RARB: variants seen among roughly 807,000 people sequenced by gnomAD.
RARB encodes HBV-activated protein.
RARB carries 17 observed loss-of-function variants against 51.9 expected under a neutral mutation model. The observed-to-expected ratio is 0.33, with a 90% CI of 0.22 to 0.49. The LOEUF (loss-of-function observed/expected upper bound fraction) is 0.49. Among genes scored for constraint, RARB ranks in the 20% least tolerant of loss-of-function variants. RARB has a pLI of 0.99. For missense variants in RARB, 369 were observed against 550.8 expected (o/e 0.67, Z 3.30); for synonymous variants, 215 against 195.4 (o/e 1.10, Z -0.84).
intron 4 of RARB, among the ~76,000 whole-genome samples, chr3:25,150,433 C>A (rs139847872): frequency 1.1e-3 from 161 of 152,236 alleles, no homozygotes; most frequent in African/African-American, 3.7e-3. Flanking sequence ...GTGAAAAAGG[C>A]CAGTTGTTTG....
chr3:25,352,209 C>T (rs530378447), intron 5 of RARB: 16 of 152,144 alleles, frequency 1.1e-4, no homozygotes, highest in Non-Finnish European at 4.4e-5. Flanking sequence ...CCCCAGCCTC[C>T]TTTCTCTCTC....
chr3:25,000,981 G>A (rs989813781), intron 2 of RARB, among the ~76,000 whole-genome samples: 4 of 152,010 alleles, frequency 2.6e-5, no homozygotes, highest in Non-Finnish European at 4.4e-5. Context: ...TTTTTGAATT[G>A]AGCAGAATTT....
chr3:25,088,491 CTT>C (rs1477672365), intron 3 of RARB, among the ~76,000 whole-genome samples: 2 of 152,134 alleles, frequency 1.3e-5, no homozygotes, highest in Non-Finnish European at 2.9e-5. Context: ...TGCTCCTCCT[CTT>C]TTAATCTAGC....
At chr3:24,958,273 T>G (rs868371704) in intron 2 of RARB, among the ~76,000 whole-genome samples, 18,172 of 137,822 alleles carry the variant, frequency 0.13, 1,501 homozygotes, top group Non-Finnish European at 0.16. Flanking sequence ...TTTTTTTTTT[T>G]TTTTTTTTTT....
chr3:24,944,616 T>A (rs1695736199), intron 2 of RARB, among the ~76,000 whole-genome samples: 1 of 152,230 alleles, frequency 6.6e-6, no homozygotes, highest in Non-Finnish European at 1.5e-5. Flanking sequence ...GTGTGGATTC[T>A]GTCCTTTAGA....
intron 5 of RARB, among the ~76,000 whole-genome samples, chr3:25,279,482 G>A (rs900598225): frequency 6.6e-6 from 1 of 151,924 alleles, no homozygotes; most frequent in African/African-American, 2.4e-5. Flanking sequence ...GGAAAGAAAG[G>A]GACTCTTGAT....
intron 3 of RARB, among the ~76,000 whole-genome samples, chr3:25,535,525 T>A (rs1225111134): frequency 6.6e-6 from 1 of 151,996 alleles, no homozygotes; most frequent in Non-Finnish European, 1.5e-5. Flanking sequence ...CCCCTCATCT[T>A]CATTAGGTAT....
intron 4 of RARB, among the ~76,000 whole-genome samples, chr3:25,151,545 T>C (rs578216153): frequency 6.6e-6 from 1 of 152,322 alleles, no homozygotes; most frequent in Non-Finnish European, 1.5e-5. Context: ...GTTGAATCTA[T>C]AAACAGAACC....
At chr3:24,873,208 T>A (rs1314934079) in intron 2 of RARB, among the ~76,000 whole-genome samples, 1 of 152,242 alleles carries the variant, frequency 6.6e-6, no homozygotes, top group Non-Finnish European at 1.5e-5. Context: ...AGGTTAGAAT[T>A]ATCTCTTATG....
At chr3:25,047,233 C>G (rs972832058) in intron 2 of RARB, among the ~76,000 whole-genome samples, 5 of 152,014 alleles carry the variant, frequency 3.3e-5, no homozygotes, top group African/African-American at 1.2e-4. Flanking sequence ...CTATTTTGTG[C>G]CTGGGAGATT....
chr3:25,471,267 C>G (rs1476810337), intron 2 of RARB, among the ~76,000 whole-genome samples: 3 of 152,136 alleles, frequency 2.0e-5, no homozygotes, highest in Admixed American at 6.5e-5. Flanking sequence ...CTGATACTAT[C>G]TTTAGGCAAA....
intron 5 of RARB, among the ~76,000 whole-genome samples, chr3:25,589,408 T>G (rs1701527905): frequency 6.6e-6 from 1 of 152,230 alleles, no homozygotes. Flanking sequence ...TGAAGGTGAC[T>G]AGAAGCCATT....
chr3:25,386,989 A>C (rs974542582), intron 5 of RARB, among the ~76,000 whole-genome samples: 1 of 152,254 alleles, frequency 6.6e-6, no homozygotes, highest in Non-Finnish European at 1.5e-5. Flanking sequence ...TGCCAGCAAC[A>C]GTGAACAGAG....
chr3:25,219,618 C>T lies in RARB; in HGVS notation c.178+45043C>T, dbSNP rs1370048448. Reference sequence around the variant, plus strand: ...ACACTTGCTGAAGGGCCGCATGCTGCCCTCCCCACCACTCCCCAAGCCCAA... The same window carrying T: ...ACACTTGCTGAAGGGCCGCATGCTGTCCTCCCCACCACTCCCCAAGCCCAA... On this transcript the variant is annotated intron_variant, in intron 5 of 11. Transcript: ENST00000383772. Among the ~76,000 whole-genome samples the T allele has an allele frequency of 2.0e-5, 3 of 152,144 alleles. No homozygotes were observed. In the East Asian group the frequency reaches 5.8e-4, roughly 29 times the overall value.
At chr3:25,193,450 T>A (rs1701152353) in intron 5 of RARB, among the ~76,000 whole-genome samples, 1 of 152,080 alleles carries the variant, frequency 6.6e-6, no homozygotes, top group African/African-American at 2.4e-5. Context: ...AAATCAATTA[T>A]CTGAGTAAGA....
At chr3:24,908,288 C>T (rs1049759955) in intron 2 of RARB, among the ~76,000 whole-genome samples, 3 of 152,118 alleles carry the variant, frequency 2.0e-5, no homozygotes, top group Non-Finnish European at 4.4e-5. Context: ...TGAAGATAAC[C>T]TCTGTGTAAA....
At chr3:25,295,815 C>T (rs1288554167) in intron 5 of RARB, among the ~76,000 whole-genome samples, 1 of 152,150 alleles carries the variant, frequency 6.6e-6, no homozygotes, top group East Asian at 1.9e-4. Context: ...AGGCAGATCA[C>T]CAACAGCAGA....
At chr3:24,985,841 C>T (rs1484661190) in intron 2 of RARB, among the ~76,000 whole-genome samples, 2 of 152,194 alleles carry the variant, frequency 1.3e-5, no homozygotes, top group East Asian at 3.9e-4. Flanking sequence ...GCGTTGGCAG[C>T]CATGAGCCTC....
At chr3:25,306,531 A>G (rs1159059811) in intron 5 of RARB, among the ~76,000 whole-genome samples, 1 of 152,062 alleles carries the variant, frequency 6.6e-6, no homozygotes, top group Non-Finnish European at 1.5e-5. Flanking sequence ...GAAGAAAAAG[A>G]AGAAGAAAGG....
Sources: gnomAD v4.1 joint callset for allele counts (sites outside exome capture counted in the v4.1 genomes callset) on GRCh38, gnomAD v4.1.1 for gene constraint, MANE v1.5 for transcripts, NCBI Gene and HGNC (gene_info 2026-07-23, HGNC 2026-07-21) for gene names.